The following NWD2 variants were observed in gnomAD, a reference collection of about 807,000 sequenced individuals.
The protein encoded by NWD2 is NACHT and WD repeat domain containing 2.
In NWD2, 37 loss-of-function variants were observed where a neutral mutation model predicts 132.7. The observed-to-expected ratio is 0.28, with a 90% confidence interval of 0.21 to 0.37. The LOEUF is 0.37. NWD2 is among the 10% of genes least tolerant of loss of function. The pLI, the probability that NWD2 is intolerant of heterozygous loss-of-function variation, is 1.00. For synonymous variants in NWD2, 705 were observed against 803.0 expected, an observed-to-expected ratio of 0.88 and a Z score of 2.06; for missense variants, 1,592 against 2,122.4, an observed-to-expected ratio of 0.75 and a Z score of 4.91.
At chr4:37,304,436 A>G (rs187755941) in intron 1 of NWD2, among the ~76,000 whole-genome samples, 2 of 152,316 alleles carry the variant, frequency 1.3e-5, no homozygotes, top group East Asian at 1.9e-4. Context: ...CAGTCCCCCA[A>G]GTCTTTATTC....
At chr4:37,401,297 C>G (rs960109225) in intron 3 of NWD2, among the ~76,000 whole-genome samples, 4 of 152,152 alleles carry the variant, frequency 2.6e-5, no homozygotes, top group Admixed American at 2.6e-4. Flanking sequence ...GATCTCCTAC[C>G]TCCATTTGGC....
chr4:37,392,447 T>G (rs1025010273), intron 3 of NWD2, among the ~76,000 whole-genome samples: 6 of 152,100 alleles, frequency 3.9e-5, no homozygotes, highest in South Asian at 4.2e-4. Context: ...CTGTGCACAT[T>G]GTAGGATATT....
At chr4:37,321,170 G>GA (rs1325596206) in intron 1 of NWD2, among the ~76,000 whole-genome samples, 1 of 151,918 alleles carries the variant, frequency 6.6e-6, no homozygotes, top group Non-Finnish European at 1.5e-5. Context: ...AAAAGAGAAA[G>GA]AAAAAAATGA....
At chr4:37,392,563 T>C (rs1187382052) in intron 3 of NWD2, among the ~76,000 whole-genome samples, 3 of 152,118 alleles carry the variant, frequency 2.0e-5, no homozygotes, top group Non-Finnish European at 4.4e-5. Context: ...AAAATTCTCC[T>C]CCAACCTCTA....
At position 37,418,163 on chromosome 4, in the gene NWD2, AG is replaced by A. The variant is rs1211130308; in HGVS notation, c.358-12406del. Among the ~76,000 whole-genome samples the A allele has an allele frequency of 2.0e-5, 3 of 152,058 alleles. No individual in the cohort carries two copies. In the South Asian group the frequency reaches 6.2e-4, roughly 32 times the overall value. On this transcript the variant is annotated intron_variant, in intron 3 of 6. Coordinates refer to ENST00000309447, the MANE Select transcript of NWD2 (RefSeq NM_001144990.2). ...AGGAGTTCTTTTAAAAAAGGATGGA[AG>A]GGTGGTAAGTCAAAGGGCCCAGGAA...
chr4:37,262,858 C>T (rs183979246), intron 1 of NWD2, among the ~76,000 whole-genome samples: 1 of 152,280 alleles, frequency 6.6e-6, no homozygotes, highest in Non-Finnish European at 1.5e-5. Flanking sequence ...GATGCTAGAA[C>T]ATGATGGCAC....
intron 6 of NWD2, among the ~76,000 whole-genome samples, chr4:37,442,487 G>A (rs1051556618): frequency 1.3e-5 from 2 of 152,126 alleles, no homozygotes; most frequent in African/African-American, 2.4e-5. Context: ...TTAACTCTGA[G>A]CAGTCATTTA....
At position 37,267,658 on chromosome 4, in the gene NWD2, C is replaced by T. The variant is rs972691585; in HGVS notation, c.151+22440C>T. Among the ~76,000 whole-genome samples, 45 of 151,930 alleles carry T rather than the reference C, an allele frequency of 3.0e-4. 1 individual carries two copies. Among genetic ancestry groups the T allele is most frequent in the African/African-American group, 9.9e-4 (41 of 41,462 alleles). On this transcript the variant is annotated intron_variant, in intron 1 of 6. Transcript: ENST00000309447. The stretch of plus-strand genomic sequence containing the variant: ...TTTGAAATAATAGAAATCCTTTGAC[C>T]GGTGTTTTTGAAGTACCTCTTGGTC...
At position 37,261,236 on chromosome 4, in the gene NWD2, C is replaced by T. The variant is rs532543904; in HGVS notation, c.151+16018C>T. On this transcript the variant is annotated intron_variant, in intron 1 of 6. Transcript: ENST00000309447. Reference sequence around the variant, plus strand: ...GACACATCAGGCATGGCTCAACCAGCTGGCGTGCATTAAACAAAGGCTCAT... The same window carrying T: ...GACACATCAGGCATGGCTCAACCAGTTGGCGTGCATTAAACAAAGGCTCAT... Among the ~76,000 whole-genome samples the T allele has an allele frequency of 4.6e-5, 7 of 152,280 alleles. No individual in the cohort carries two copies. In the South Asian group the frequency reaches 1.5e-3, roughly 32 times the overall value.
chr4:37,397,580 G>A (rs777095442), intron 3 of NWD2, among the ~76,000 whole-genome samples: 5 of 152,072 alleles, frequency 3.3e-5, no homozygotes, highest in Admixed American at 2.6e-4. Context: ...CTGCAGAGTC[G>A]GACTTGCCAG....
chr4:37,305,246 A>G (rs978089070), intron 1 of NWD2, among the ~76,000 whole-genome samples: 2 of 151,938 alleles, frequency 1.3e-5, no homozygotes, highest in Non-Finnish European at 2.9e-5. Flanking sequence ...CCACGAAACT[A>G]TTTTTCCCTT....
At chr4:37,348,844 C>T (rs1350159984) in intron 2 of NWD2, among the ~76,000 whole-genome samples, 2 of 151,234 alleles carry the variant, frequency 1.3e-5, no homozygotes, top group Non-Finnish European at 2.9e-5. Flanking sequence ...GTACCCCACC[C>T]CACAACAGGC....
At chr4:37,381,394 C>G (rs1440349424) in intron 3 of NWD2, among the ~76,000 whole-genome samples, 2 of 152,154 alleles carry the variant, frequency 1.3e-5, no homozygotes, top group Admixed American at 1.3e-4. Context: ...TTTAACATCC[C>G]CAGGTTTGTC....
At chr4:37,385,508 C>G (rs13150664) in intron 3 of NWD2, among the ~76,000 whole-genome samples, 3 of 152,098 alleles carry the variant, frequency 2.0e-5, no homozygotes, top group Non-Finnish European at 4.4e-5. Context: ...CAGGTAAATA[C>G]CAAAAAGAGA....
intron 3 of NWD2, among the ~76,000 whole-genome samples, chr4:37,404,421 G>A (rs1004968927): frequency 6.6e-6 from 1 of 152,124 alleles, no homozygotes; most frequent in Non-Finnish European, 1.5e-5. Context: ...AATATGCCCA[G>A]TGAAATCCTT....
chr4:37,374,831 A>G (rs1321011941), intron 3 of NWD2, among the ~76,000 whole-genome samples: 1 of 152,248 alleles, frequency 6.6e-6, no homozygotes, highest in Non-Finnish European at 1.5e-5. Flanking sequence ...TTTTATAAAC[A>G]TTACAAGTAA....
intron 3 of NWD2, among the ~76,000 whole-genome samples, chr4:37,384,335 G>C (rs1720516107): frequency 6.6e-6 from 1 of 152,156 alleles, no homozygotes; most frequent in South Asian, 2.1e-4. Flanking sequence ...CAAAGCGTTT[G>C]CGTTCTTCCT....
chr4:37,275,677 T>C (rs1717996045), intron 1 of NWD2, among the ~76,000 whole-genome samples: 1 of 152,080 alleles, frequency 6.6e-6, no homozygotes, highest in Non-Finnish European at 1.5e-5. Context: ...CTTCAAACTA[T>C]ACTACAAGGC....
intron 3 of NWD2, among the ~76,000 whole-genome samples, chr4:37,356,804 T>G (rs1231138418): frequency 6.6e-6 from 1 of 152,240 alleles, no homozygotes; most frequent in East Asian, 1.9e-4. Context: ...ATCCTAGGTT[T>G]TCTTATCTTA....
Sources: gnomAD v4.1 joint callset for allele counts (sites outside exome capture counted in the v4.1 genomes callset) on GRCh38, gnomAD v4.1.1 for gene constraint, MANE v1.5 for transcripts, NCBI Gene and HGNC (gene_info 2026-07-23, HGNC 2026-07-21) for gene names.